Variants in STON2 observed in about 807,000 individuals in gnomAD.
STON2 encodes the protein stonin 2.
In STON2, 29 loss-of-function variants were observed where a neutral mutation model predicts 65.7. The observed-to-expected ratio is 0.44, with a 90% CI of 0.33 to 0.60. STON2 has a LOEUF of 0.60. Ranked by LOEUF, STON2 falls within the 20% of genes least tolerant of loss-of-function variation. The pLI, the probability that STON2 is intolerant of heterozygous loss-of-function variation, is 0.03. For missense variants in STON2, 1,054 were observed against 1,118.1 expected (o/e 0.94, Z 0.82); for synonymous variants, 404 against 414.2 (o/e 0.98, Z 0.30).
chr14:81,335,019 TTGTGTGTGTGTG>T (rs61658924), intron 4 of STON2, among the ~76,000 whole-genome samples: 2 of 146,290 alleles, frequency 1.4e-5, no homozygotes, highest in East Asian at 4.1e-4. Flanking sequence ...TTTTTTGTAT[TTGTGTGTGTGTG>T]TGTGTGTGTG....
chr14:81,400,635 A>G (rs532741800), upstream of STON2, among the ~76,000 whole-genome samples: 1 of 152,242 alleles, frequency 6.6e-6, no homozygotes, highest in Non-Finnish European at 1.5e-5. Context: ...ACGAAGGTGA[A>G]GGTAAGAGGA....
chr14:81,311,959 T>A (rs140014159), intron 5 of STON2, among the ~76,000 whole-genome samples: 14 of 152,326 alleles, frequency 9.2e-5, no homozygotes, highest in Middle Eastern at 6.8e-3. Context: ...TATTTCCTGA[T>A]CTTTAGCCAA....
chr14:81,306,220 C>CTATTTTTTTTTTTTTTTTTTT lies in STON2; in HGVS notation c.742+17796_742+17797insAAAAAAAAAAAAAAAAAAATA, dbSNP rs1555397665. Among the ~76,000 whole-genome samples the CTATTTTTTTTTTTTTTTTTTT allele has an allele frequency of 1.0e-4, 7 of 69,490 alleles. 2 individuals carry two copies. The highest frequency in any genetic ancestry group is 1.8e-4 in the Non-Finnish European group (7 of 39,088). 45.6% of individuals were successfully genotyped at this position (69,490 alleles called of 152,430 possible). The stretch of plus-strand genomic sequence containing the variant: ...TTATATATACACACACATACATACT[C>CTATTTTTTTTTTTTTTTTTTT]TTTTTTTTTTTTTTTTTTTTTTTTT... On this transcript the variant is annotated intron_variant, in intron 5 of 7. Coordinates refer to ENST00000614646, the MANE Select transcript of STON2 (RefSeq NM_001394390.1).
chr14:81,271,453 G>C (rs995851804), intron 6 of STON2, among the ~76,000 whole-genome samples: 1 of 152,154 alleles, frequency 6.6e-6, no homozygotes, highest in Non-Finnish European at 1.5e-5. Flanking sequence ...CAGAACACCT[G>C]GGTTGGACTT....
At chr14:81,269,035 G>GTT (rs1465616228) in intron 7 of STON2, among the ~76,000 whole-genome samples, 1 of 152,080 alleles carries the variant, frequency 6.6e-6, no homozygotes, top group Non-Finnish European at 1.5e-5. Context: ...GTCTCATTCT[G>GTT]TTACTCAGAC....
upstream of STON2, among the ~76,000 whole-genome samples, chr14:81,404,117 A>C (rs953221672): frequency 6.6e-6 from 1 of 152,180 alleles, no homozygotes; most frequent in Non-Finnish European, 1.5e-5. Context: ...GACGTTAATA[A>C]ATGTTTTAGG....
intron 4 of STON2, among the ~76,000 whole-genome samples, chr14:81,364,997 A>T (rs896799205): frequency 2.6e-5 from 4 of 152,284 alleles, no homozygotes; most frequent in South Asian, 4.2e-4. Context: ...TTCCTTGTCT[A>T]TGAGGAACAT....
At chr14:81,299,441 G>A (rs1895887825) in intron 5 of STON2, among the ~76,000 whole-genome samples, 1 of 152,184 alleles carries the variant, frequency 6.6e-6, no homozygotes. Flanking sequence ...GTTCCTCCCA[G>A]TCTCACCTAT....
chr14:81,397,945 G>C (rs1337711023), intron 2 of STON2, among the ~76,000 whole-genome samples: 1 of 152,144 alleles, frequency 6.6e-6, no homozygotes, highest in East Asian at 1.9e-4. Context: ...TTGAACCCAA[G>C]CACTCTGGCT....
intron 1 of STON2, among the ~76,000 whole-genome samples, chr14:81,432,510 T>A (rs1399792379): frequency 6.6e-6 from 1 of 152,228 alleles, no homozygotes; most frequent in African/African-American, 2.4e-5. Context: ...CAGCCAAATG[T>A]CCACCCAGTG....
chr14:81,295,650 T>C (rs1340439771), intron 5 of STON2, among the ~76,000 whole-genome samples: 3 of 152,242 alleles, frequency 2.0e-5, no homozygotes, highest in Admixed American at 6.5e-5. Flanking sequence ...CTTAGGGCCA[T>C]AGAGTTAAGT....
chr14:81,404,434 C>T (rs1271857178), upstream of STON2, among the ~76,000 whole-genome samples: 1 of 152,172 alleles, frequency 6.6e-6, no homozygotes, highest in Non-Finnish European at 1.5e-5. Context: ...ATTAATTTCA[C>T]CAGTTCCTTT....
chr14:81,340,203 A>T (rs2140290098), intron 4 of STON2, among the ~76,000 whole-genome samples: 1 of 152,314 alleles, frequency 6.6e-6, no homozygotes, highest in South Asian at 2.1e-4. Context: ...CAAATTAAAG[A>T]ACCCACTCAA....
chr14:81,395,806 A>T, intron 3 of STON2, 88 bp downstream of exon 3: 5 of 1,372,292 alleles, frequency 3.6e-6, no homozygotes, highest in Non-Finnish European at 5.1e-6. Flanking sequence ...GGGCAGATGA[A>T]ATGGAATCCT....
Position 81,264,164 on chromosome 14 carries a change from A to C in STON2, c.*4250T>G. The C allele has an allele frequency of 3.0e-6, 3 of 985,474 alleles. No individual in the cohort carries two copies. Among genetic ancestry groups the C allele is most frequent in the Non-Finnish European group, 3.6e-6 (3 of 829,940 alleles). The allele number at this position is 985,474 out of a possible 1,614,324, so 61.0% of individuals were successfully genotyped here. On this transcript the variant is annotated 3_prime_UTR_variant, in exon 8 of 8. Coordinates refer to ENST00000614646, the MANE Select transcript of STON2 (RefSeq NM_001394390.1). ...CGTGACTATGGACAGCATCTATGCT[A>C]CTATGCTTTGGGGCACAAAAATGTT...
upstream of STON2, among the ~76,000 whole-genome samples, chr14:81,402,034 T>C (rs1168510810): frequency 6.6e-6 from 1 of 152,100 alleles, no homozygotes; most frequent in Non-Finnish European, 1.5e-5. Flanking sequence ...TGTGTTTCTG[T>C]CTGAACAAGC....
intron 3 of STON2, among the ~76,000 whole-genome samples, chr14:81,373,702 G>A (rs1899111291): frequency 6.6e-6 from 1 of 152,144 alleles, no homozygotes; most frequent in African/African-American, 2.4e-5. Flanking sequence ...GCCAACCGAA[G>A]ATGGGGAACA....
intron 2 of STON2, 89 bp from the exon 3 acceptor site, chr14:81,396,267 G>T: frequency 7.4e-7 from 1 of 1,348,302 alleles, no homozygotes; most frequent in Non-Finnish European, 1.0e-6. Flanking sequence ...ATGACCATGG[G>T]GTGCCCGCAT....
intron 5 of STON2, among the ~76,000 whole-genome samples, chr14:81,311,307 C>A (rs961154894): frequency 6.6e-6 from 1 of 152,176 alleles, no homozygotes; most frequent in Non-Finnish European, 1.5e-5. Context: ...TTGCTCTGCT[C>A]TGCTCTGCTC....
Sources: allele counts gnomAD v4.1 joint callset (sites outside exome capture counted in the v4.1 genomes callset), GRCh38; gene constraint gnomAD v4.1.1; transcripts MANE v1.5; gene names NCBI Gene and HGNC (gene_info 2026-07-23, HGNC 2026-07-21).